GPHN: variants seen among roughly 807,000 people sequenced by gnomAD.
GPHN encodes gephyrin.
In GPHN, 17 loss-of-function variants were observed where a neutral mutation model predicts 95.5. The ratio of observed to expected loss-of-function variants is 0.18; its 90% CI spans 0.12 to 0.27. The LOEUF is 0.27. GPHN is among the 10% of genes least tolerant of loss of function. The probability of loss-of-function intolerance (pLI) is 1.00; values close to 1 mark genes in which losing one functional copy is unlikely to be tolerated. For synonymous variants in GPHN, 320 were observed against 322.5 expected (o/e 0.99, Z 0.08); for missense variants, 660 against 978.1 (o/e 0.67, Z 4.34).
intron 4 of GPHN, among the ~76,000 whole-genome samples, chr14:66,862,602 T>C (rs1006271288): frequency 6.6e-6 from 1 of 151,990 alleles, no homozygotes; most frequent in Admixed American, 6.6e-5. Flanking sequence ...AACAAAATAC[T>C]AGCAACCCAA....
the GPHN span, among the ~76,000 whole-genome samples, chr14:67,230,574 G>GA: frequency 2.5e-3 from 373 of 148,842 alleles, 9 homozygotes; most frequent in East Asian, 0.017. Context: ...CCTCTCTCAA[G>GA]AAAAAAAAAG....
rs568727347 is a variant in GPHN at position 67,142,250 on chromosome 14, T to C, written c.1749-1112T>C. 2.4e-3 allele frequency among the ~76,000 whole-genome samples: 364 copies of C among 152,314 alleles called. 4 individuals are homozygous for C. The highest frequency in any genetic ancestry group is 8.2e-3 in the African/African-American group (343 of 41,580). ...AAGTATATTTTCTGTACTGCATCAA[T>C]TGAAGGGAAATACCAATTACAGGTC... On this transcript the variant is annotated intron_variant, in intron 17 of 22. Coordinates refer to ENST00000478722, the MANE Select transcript of GPHN (RefSeq NM_020806.5).
intron 1 of GPHN, among the ~76,000 whole-genome samples, chr14:66,637,965 G>A (rs1172052790): frequency 2.0e-5 from 3 of 151,802 alleles, no homozygotes; most frequent in African/African-American, 7.3e-5. Context: ...ATTTTCTAGG[G>A]CTCTTCCAAA....
At chr14:67,225,951 G>GTGTGTGTGTT in the GPHN span, among the ~76,000 whole-genome samples, 53 of 138,246 alleles carry the variant, frequency 3.8e-4, no homozygotes, top group Non-Finnish European at 7.3e-4. Flanking sequence ...GTGTGTGTGT[G>GTGTGTGTGTT]TGTGTGTGTG....
intron 9 of GPHN, among the ~76,000 whole-genome samples, chr14:66,994,749 A>G (rs1258215748): frequency 6.6e-6 from 1 of 152,228 alleles, no homozygotes; most frequent in Non-Finnish European, 1.5e-5. Context: ...AGAAATTCAG[A>G]TATGTGTATG....
At chr14:67,255,189 A>G in the GPHN span, among the ~76,000 whole-genome samples, 1 of 152,030 alleles carries the variant, frequency 6.6e-6, no homozygotes, top group Non-Finnish European at 1.5e-5. Flanking sequence ...ATGCTTTTTT[A>G]GAAGCCTGAC....
chr14:66,983,097 T>C (rs1011098063), intron 9 of GPHN, among the ~76,000 whole-genome samples: 13 of 151,862 alleles, frequency 8.6e-5, no homozygotes, highest in Non-Finnish European at 2.9e-5. Context: ...ACTAAAAATA[T>C]AAAAATTAGC....
chr14:67,468,933 T>C, the GPHN span, among the ~76,000 whole-genome samples: 1 of 151,552 alleles, frequency 6.6e-6, no homozygotes, highest in East Asian at 1.9e-4. Flanking sequence ...AAAAAAAGGG[T>C]CTTGGGCCCC....
chr14:67,666,581 T>C, the GPHN span, among the ~76,000 whole-genome samples: 7 of 152,226 alleles, frequency 4.6e-5, no homozygotes, highest in African/African-American at 1.4e-4. Context: ...GACTGATCTC[T>C]ACCCAACTGA....
At chr14:67,586,151 G>A in the GPHN span, 1 of 1,596,904 alleles carries the variant, frequency 6.3e-7, no homozygotes, top group African/African-American at 1.3e-5. Context: ...GGTGGGCTTG[G>A]AGCTTAGAAA....
chr14:67,729,315 G>A, the GPHN span: 1 of 1,600,770 alleles, frequency 6.2e-7, no homozygotes, highest in Non-Finnish European at 8.5e-7. Flanking sequence ...CACGGGAGGG[G>A]GCGCAGACCA....
At chr14:67,371,318 G>C in the GPHN span, among the ~76,000 whole-genome samples, 30 of 151,986 alleles carry the variant, frequency 2.0e-4, no homozygotes, top group African/African-American at 7.3e-4. Flanking sequence ...TACTTGGGAG[G>C]CTGAGGTGGG....
chr14:67,350,739 A>C, the GPHN span: 2 of 1,502,798 alleles, frequency 1.3e-6, no homozygotes, highest in Non-Finnish European at 1.8e-6. Flanking sequence ...TTTTACAAGG[A>C]AATATTCCAT....
chr14:66,718,682 TG>T (rs1377049993), intron 2 of GPHN, among the ~76,000 whole-genome samples: 5 of 152,156 alleles, frequency 3.3e-5, no homozygotes, highest in Non-Finnish European at 7.4e-5. Flanking sequence ...TACAGTGTGC[TG>T]ATTGGTGCGT....
the GPHN span, chr14:67,559,670 G>T: frequency 6.2e-7 from 1 of 1,606,248 alleles, no homozygotes; most frequent in Non-Finnish European, 8.5e-7. Context: ...TCAAGGAATG[G>T]GTGACACTCA....
chr14:66,990,306 C>T (rs2071325096), intron 9 of GPHN, among the ~76,000 whole-genome samples: 1 of 152,108 alleles, frequency 6.6e-6, no homozygotes, highest in South Asian at 2.1e-4. Context: ...TGGGTGGAGA[C>T]ACAGAGCCAA....
chr14:66,833,012 G>A (rs1253867841), intron 4 of GPHN, among the ~76,000 whole-genome samples: 1 of 152,066 alleles, frequency 6.6e-6, no homozygotes, highest in Non-Finnish European at 1.5e-5. Context: ...GTAGAAGGAT[G>A]GATACACTAG....
chr14:66,961,747 A>G (rs1275669659), intron 8 of GPHN, among the ~76,000 whole-genome samples: 1 of 151,088 alleles, frequency 6.6e-6, no homozygotes, highest in Non-Finnish European at 1.5e-5. Context: ...TTTTAAATGA[A>G]TAATACCAAC....
At chr14:67,099,134 A>C (rs997842985) in intron 12 of GPHN, among the ~76,000 whole-genome samples, 1 of 142,922 alleles carries the variant, frequency 7.0e-6, no homozygotes, top group African/African-American at 2.6e-5. Context: ...TTTGAGACGG[A>C]GTTTCACTCT....
Sources: allele counts gnomAD v4.1 joint callset (sites outside exome capture counted in the v4.1 genomes callset), GRCh38; gene constraint gnomAD v4.1.1; transcripts MANE v1.5; gene names NCBI Gene and HGNC (gene_info 2026-07-23, HGNC 2026-07-21).